Variants in RAD54B observed in about 807,000 individuals in gnomAD.
The protein encoded by RAD54B is RAD54 homolog B.
Under a neutral mutation model 95.8 loss-of-function variants are expected in RAD54B, and 78 were observed. That is an observed-to-expected ratio of 0.81 (90% CI 0.68 to 0.98). The LOEUF (loss-of-function observed/expected upper bound fraction) is 0.98, where lower values mean the gene tolerates loss of function less well. Ranked by LOEUF, RAD54B falls within the 50% of genes least tolerant of loss-of-function variation. The pLI is 0.00. For synonymous variants in RAD54B, 328 were observed against 354.9 expected, an observed-to-expected ratio of 0.92 and a Z score of 0.85; for missense variants, 957 against 1,056.6, an observed-to-expected ratio of 0.91 and a Z score of 1.31.
chr8:94,387,150 A>G lies in RAD54B; in HGVS notation c.1819T>C (p.Cys607Arg), dbSNP rs1810909016. The G allele has an allele frequency of 2.5e-6, 4 of 1,589,020 alleles. No homozygotes were observed. Among genetic ancestry groups the G allele is most frequent in the Non-Finnish European group, 3.4e-6 (4 of 1,171,838 alleles). ...LLFNSIKEKECSSTCDKNEEK... is the reference protein window; with the variant it reads ...LLFNSIKEKERSSTCDKNEEK... Reference sequence around the variant, plus strand: ...TCATTTTTATCACAAGTTGAGCTACATTCCTTTTCCTATTCAAAATGATGA... The same window carrying G: ...TCATTTTTATCACAAGTTGAGCTACGTTCCTTTTCCTATTCAAAATGATGA... Residue 607 changes from cysteine (C) to arginine (R), a missense_variant, in exon 11 of 15, where the codon TGT (cysteine) becomes CGT (arginine). Coordinates refer to ENST00000336148, the MANE Select transcript of RAD54B (RefSeq NM_012415.3).
At position 94,411,133 on chromosome 8, in the gene RAD54B, C is replaced by A; in HGVS notation, c.487G>T (p.Asp163Tyr). The A allele has an allele frequency of 6.2e-7, 1 of 1,606,088 alleles. No individual in the cohort carries two copies. Among genetic ancestry groups the A allele is most frequent in the Non-Finnish European group, 8.5e-7 (1 of 1,176,892 alleles). ...AGTATCATAATACCTCTTCCAATGTCTTTGCCTTCCAAATTCTTTAATATA... is the reference window on the plus strand; with the variant it reads ...AGTATCATAATACCTCTTCCAATGTATTTGCCTTCCAAATTCTTTAATATA... ...SFILKNLEGK[D>Y]IGRGIGYKFK... Residue 163 changes from aspartate to tyrosine, a missense_variant, in exon 4 of 15, where the codon GAC becomes TAC. Asp to Tyr is a radical substitution (Grantham distance 160, BLOSUM62 -3). Transcript: ENST00000336148.
intron 3 of RAD54B, among the ~76,000 whole-genome samples, chr8:94,425,927 C>T (rs183870025): frequency 2.0e-5 from 3 of 152,068 alleles, no homozygotes; most frequent in East Asian, 3.9e-4. Flanking sequence ...TCACTTCTGA[C>T]ATTCCAGTCA....
At chr8:94,376,382 A>G (rs1810572031) in intron 14 of RAD54B, among the ~76,000 whole-genome samples, 1 of 152,136 alleles carries the variant, frequency 6.6e-6, no homozygotes, top group African/African-American at 2.4e-5. Context: ...AATTATGGGC[A>G]GCTTAGAGGA....
At chr8:94,416,305 G>A (rs1811664812) in intron 3 of RAD54B, among the ~76,000 whole-genome samples, 1 of 151,762 alleles carries the variant, frequency 6.6e-6, no homozygotes, top group Admixed American at 6.6e-5. Flanking sequence ...TCATAGATGG[G>A]AATTGAACAA....
chr8:94,438,016 G>A (rs1457747626), intron 3 of RAD54B, among the ~76,000 whole-genome samples: 4 of 152,098 alleles, frequency 2.6e-5, no homozygotes, highest in Non-Finnish European at 5.9e-5. Flanking sequence ...CTGAACAACT[G>A]TGATAGTTAT....
At chr8:94,385,005 A>C (rs1810835715) in intron 11 of RAD54B, among the ~76,000 whole-genome samples, 1 of 152,162 alleles carries the variant, frequency 6.6e-6, no homozygotes, top group Non-Finnish European at 1.5e-5. Context: ...TGGGAAGCTG[A>C]AGTGGGAGGA....
In RAD54B at chr8:94,422,618, ATAT is replaced by A. The variant is rs1470029601; in HGVS notation, c.305-11306_305-11304del. On this transcript the variant is annotated intron_variant, in intron 3 of 14. Transcript: ENST00000336148. ...AAAAAAAAAAAAAAAAAAAAAAAAA[ATAT>A]ATATATATATATATATATATATATA... 2.9e-3 allele frequency among the ~76,000 whole-genome samples: 71 copies of A among 24,130 alleles called. 2 individuals carry two copies. Among genetic ancestry groups the A allele is most frequent in the East Asian group, 0.013 (11 of 866 alleles). 15.8% of individuals were successfully genotyped at this position (24,130 alleles called of 152,430 possible).
chr8:94,450,295 T>C (rs1812623303), intron 3 of RAD54B, among the ~76,000 whole-genome samples: 1 of 152,210 alleles, frequency 6.6e-6, no homozygotes, highest in African/African-American at 2.4e-5. Flanking sequence ...CATTCAAATG[T>C]CCCTTAAACC....
chr8:94,380,144 C>T lies in RAD54B; in HGVS notation c.2247+1G>A. The T allele has an allele frequency of 1.2e-6, 2 of 1,605,882 alleles. No homozygotes were observed. Among genetic ancestry groups the T allele is most frequent in the Non-Finnish European group, 1.7e-6 (2 of 1,174,644 alleles). ...TCTATTTAATGCATAAATATTCCTA[C>T]CTGAATGTCAGTGGCTGGATTCCAA... is the stretch of plus-strand genomic sequence containing the variant. On this transcript the variant is annotated splice_donor_variant, in intron 12 of 14. Transcript: ENST00000336148. LOFTEE classifies it high-confidence loss of function.
intron 3 of RAD54B, chr8:94,431,404 C>A (rs1304951910): frequency 7.1e-6 from 7 of 984,598 alleles, no homozygotes; most frequent in African/African-American, 1.7e-5. Context: ...GATTTCACAA[C>A]CTAACAATCT....
chr8:94,408,776 A>G (rs1169165809), intron 4 of RAD54B, among the ~76,000 whole-genome samples: 1 of 152,178 alleles, frequency 6.6e-6, no homozygotes, highest in Non-Finnish European at 1.5e-5. Flanking sequence ...TGAAGATTAT[A>G]GTTTTATCTT....
intron 1 of RAD54B, among the ~76,000 whole-genome samples, chr8:94,474,667 G>A (rs529631983): frequency 1.3e-5 from 2 of 152,124 alleles, no homozygotes; most frequent in South Asian, 2.1e-4. Flanking sequence ...CCCAGTGCAG[G>A]AGTGAGGGAG....
intron 3 of RAD54B, among the ~76,000 whole-genome samples, chr8:94,442,645 G>A (rs1008196583): frequency 2.7e-5 from 4 of 150,466 alleles, no homozygotes; most frequent in Admixed American, 6.7e-5. Context: ...AATATAATAC[G>A]GTGACTATAG....
chr8:94,464,859 G>C (rs1009669188), intron 2 of RAD54B, among the ~76,000 whole-genome samples: 1 of 152,110 alleles, frequency 6.6e-6, no homozygotes, highest in African/African-American at 2.4e-5. Flanking sequence ...TAGGGCAGAA[G>C]GTAAAGGGGG....
At chr8:94,429,020 T>C (rs1812015732) in intron 3 of RAD54B, 1 of 983,478 alleles carries the variant, frequency 1.0e-6, no homozygotes, top group Non-Finnish European at 1.2e-6. Flanking sequence ...AGGTAGACAA[T>C]GAGGAGAATT....
chr8:94,378,543 T>C (rs955419480), intron 13 of RAD54B, 25 bp downstream of exon 13: 6 of 1,562,354 alleles, frequency 3.8e-6, no homozygotes, highest in Non-Finnish European at 5.2e-6. Context: ...GAGTATACAT[T>C]TTTGTCACAC....
At chr8:94,430,590 G>T in intron 3 of RAD54B, 1 of 605,834 alleles carries the variant, frequency 1.7e-6, no homozygotes, top group Non-Finnish European at 2.1e-6. Context: ...GTTCTCAAGT[G>T]ATGCTGATGC....
In RAD54B at chr8:94,461,464, C is replaced by T. The variant is rs573194699; in HGVS notation, c.136-3028G>A. Among the ~76,000 whole-genome samples the T allele has an allele frequency of 3.0e-4, 45 of 151,544 alleles. No individual in the cohort carries two copies. In the East Asian group the frequency reaches 6.6e-3, roughly 22 times the overall value. On this transcript the variant is annotated intron_variant, in intron 2 of 14. Transcript: ENST00000336148. ...GATTACAGGCGTGAGCCACCACACC[C>T]GGCCATAAATACTCATCTTAATAAA...
chr8:94,461,758 G>A (rs889933445), intron 2 of RAD54B, among the ~76,000 whole-genome samples: 1 of 152,132 alleles, frequency 6.6e-6, no homozygotes, highest in Non-Finnish European at 1.5e-5. Context: ...ACACACACGT[G>A]AGAGTAAACT....
Sources: allele counts gnomAD v4.1 joint callset (sites outside exome capture counted in the v4.1 genomes callset), GRCh38; gene constraint gnomAD v4.1.1; transcripts MANE v1.5; gene names NCBI Gene and HGNC (gene_info 2026-07-23, HGNC 2026-07-21).